Variants in ENOX2 observed in about 807,000 individuals in gnomAD.
ENOX2 encodes APK1 antigen.
In ENOX2, 36 loss-of-function variants were observed where a neutral mutation model predicts 45.0. That is an observed-to-expected ratio of 0.80 (90% CI 0.61 to 1.06). ENOX2 has a LOEUF of 1.06. Ranked by LOEUF, ENOX2 falls within the 50% of genes least tolerant of loss-of-function variation. The pLI is 0.00. For missense variants in ENOX2, 423 were observed against 462.5 expected (o/e 0.91, Z 0.78); for synonymous variants, 174 against 152.3 (o/e 1.14, Z -1.05).
chrX:130,625,859 A>G (rs1011454164), intron 14 of ENOX2, among the ~76,000 whole-genome samples: 5 of 110,544 alleles, frequency 4.5e-5, no homozygotes, highest in African/African-American at 1.7e-4. Context: ...GAGAAGTAAC[A>G]GGAAGGGGGA....
chrX:130,796,945 T>G (rs1299092175), intron 2 of ENOX2, among the ~76,000 whole-genome samples: 2 of 112,030 alleles, frequency 1.8e-5, no homozygotes, highest in Non-Finnish European at 3.8e-5. Context: ...AACTTTAAAG[T>G]AAATTCATTT....
At chrX:130,881,577 T>C (rs1256010942) in intron 2 of ENOX2, among the ~76,000 whole-genome samples, 2 of 112,055 alleles carry the variant, frequency 1.8e-5, no homozygotes, top group African/African-American at 6.5e-5. Context: ...TGAGAAACAC[T>C]GTGATTATGC....
chrX:130,637,121 C>T, intron 11 of ENOX2, 108 bp downstream of exon 11: 1 of 636,721 alleles, frequency 1.6e-6, no homozygotes, highest in Non-Finnish European at 2.6e-6. Flanking sequence ...AATATTACAT[C>T]AAGAAGAATA....
chrX:130,894,576 A>G (rs2079031264), intron 2 of ENOX2, among the ~76,000 whole-genome samples: 1 of 110,028 alleles, frequency 9.1e-6, no homozygotes, highest in Non-Finnish European at 1.9e-5. Flanking sequence ...CAAAATAAAA[A>G]TAATAAAAAA....
chrX:130,752,482 T>C (rs2039247560), intron 3 of ENOX2, among the ~76,000 whole-genome samples: 1 of 110,296 alleles, frequency 9.1e-6, no homozygotes. Flanking sequence ...CTATGCCTCA[T>C]GGCCCTCCCT....
At chrX:130,723,509 T>C (rs1041894601) in intron 3 of ENOX2, among the ~76,000 whole-genome samples, 1 of 112,533 alleles carries the variant, frequency 8.9e-6, no homozygotes, top group Admixed American at 9.4e-5. Context: ...GGAAATATAA[T>C]TCATAAAGGA....
intron 2 of ENOX2, among the ~76,000 whole-genome samples, chrX:130,851,710 A>T (rs766802360): frequency 9.8e-5 from 11 of 112,052 alleles, no homozygotes; most frequent in Admixed American, 6.6e-4. Context: ...GTGGCTCCAC[A>T]GATAGCTACA....
At chrX:130,872,817 C>T (rs912078590) in intron 2 of ENOX2, among the ~76,000 whole-genome samples, 25 of 111,437 alleles carry the variant, frequency 2.2e-4, no homozygotes, top group Non-Finnish European at 3.4e-4. Flanking sequence ...ATTTAATAAA[C>T]GGTGTTGGGA....
intron 3 of ENOX2, among the ~76,000 whole-genome samples, chrX:130,724,527 A>G (rs896034139): frequency 8.9e-6 from 1 of 112,863 alleles, no homozygotes; most frequent in African/African-American, 3.2e-5. Context: ...CACAAGGGAA[A>G]GGACTTTGCT....
chrX:130,631,669 C>G lies in ENOX2; in HGVS notation c.1420-93G>C, dbSNP rs1359730287. 1.0e-5 allele frequency: 5 copies of G among 478,520 alleles called. No homozygotes were observed. In the South Asian group the frequency reaches 1.1e-4, roughly 11 times the overall value. The allele number at this position is 478,520 out of a possible 1,213,427, so 39.4% of individuals were successfully genotyped here. On this transcript the variant is annotated intron_variant, in intron 12 of 14. Transcript: ENST00000394363. ...CACAACAGGTAACTTAACACAGGAC[C>G]ATAAAAACAATACCATTCAATTTGG...
intron 9 of ENOX2, among the ~76,000 whole-genome samples, chrX:130,657,314 G>C (rs2036574400): frequency 8.9e-6 from 1 of 111,939 alleles, no homozygotes; most frequent in Non-Finnish European, 1.9e-5. Flanking sequence ...TTGGAAGAAA[G>C]GAATAGCATA....
At chrX:130,875,853 A>G (rs893795484) in intron 2 of ENOX2, among the ~76,000 whole-genome samples, 2 of 112,439 alleles carry the variant, frequency 1.8e-5, no homozygotes, top group East Asian at 2.8e-4. Flanking sequence ...CATAAAAGTG[A>G]AAAGAAGGCC....
At chrX:130,761,952 A>T (rs1344291760) in intron 3 of ENOX2, among the ~76,000 whole-genome samples, 1 of 111,430 alleles carries the variant, frequency 9.0e-6, no homozygotes, top group East Asian at 2.8e-4. Context: ...TTGGTACTGT[A>T]CGTCTTTTTT....
At chrX:130,665,322 C>T (rs779896053) in intron 9 of ENOX2, among the ~76,000 whole-genome samples, 3 of 111,971 alleles carry the variant, frequency 2.7e-5, no homozygotes, top group Non-Finnish European at 3.8e-5. Flanking sequence ...ACACTAGAAG[C>T]GCAGGTCAGT....
At chrX:130,748,219 A>G (rs2039138486) in intron 3 of ENOX2, among the ~76,000 whole-genome samples, 1 of 112,184 alleles carries the variant, frequency 8.9e-6, no homozygotes, top group Non-Finnish European at 1.9e-5. Context: ...TTAAGCACCT[A>G]TTTATTATGT....
intron 6 of ENOX2, among the ~76,000 whole-genome samples, chrX:130,673,313 C>G (rs2037039939): frequency 9.0e-6 from 1 of 110,972 alleles, no homozygotes; most frequent in Non-Finnish European, 1.9e-5. Context: ...AAAGATCACA[C>G]TAGCTGTCTA....
intron 2 of ENOX2, among the ~76,000 whole-genome samples, chrX:130,869,976 A>T (rs1428648689): frequency 8.9e-6 from 1 of 111,956 alleles, no homozygotes; most frequent in African/African-American, 3.2e-5. Flanking sequence ...TACAAATTCT[A>T]CTTTTTATGA....
chrX:130,777,112 G>C (rs181915023), intron 3 of ENOX2, among the ~76,000 whole-genome samples: 1 of 111,620 alleles, frequency 9.0e-6, no homozygotes, highest in Non-Finnish European at 1.9e-5. Flanking sequence ...GATTATATGG[G>C]TCTGGTAATA....
intron 2 of ENOX2, among the ~76,000 whole-genome samples, chrX:130,855,349 C>T (rs1004336018): frequency 3.6e-5 from 4 of 111,617 alleles, no homozygotes; most frequent in Admixed American, 9.5e-5. Context: ...TATAAATCTT[C>T]GGTATAAATA....
Sources: allele counts gnomAD v4.1 joint callset (sites outside exome capture counted in the v4.1 genomes callset), GRCh38; gene constraint gnomAD v4.1.1; transcripts MANE v1.5; gene names NCBI Gene and HGNC (gene_info 2026-07-23, HGNC 2026-07-21).